Variants in SBF2 observed in about 807,000 individuals in gnomAD.
SBF2 encodes the protein SET binding factor 2.
In SBF2, 112 loss-of-function variants were observed where a neutral mutation model predicts 225.2. The observed-to-expected ratio is 0.50, with a 90% CI of 0.43 to 0.58. The LOEUF is 0.58. Among genes scored for constraint, SBF2 ranks in the 20% least tolerant of loss-of-function variants. SBF2 has a pLI of 0.00. For synonymous variants in SBF2, 763 were observed against 773.3 expected, an observed-to-expected ratio of 0.99 and a Z score of 0.22; for missense variants, 1,996 against 2,206.2, an observed-to-expected ratio of 0.90 and a Z score of 1.91.
Position 9,839,539 on chromosome 11 carries a change from A to G in SBF2, c.3414T>C (p.Phe1138=). The part of the protein sequence containing the change: ...GSSSRSRPEY[F]RITASNRMYS... ...ACATCCTGTTGGAGGCAGTAATTCT[A>G]AAATACTCGGGTCTTGAACGGGAAG... The change falls in exon 26 of 40, where the codon TTT becomes TTC. Residue 1138 remains phenylalanine, a synonymous_variant. Coordinates refer to ENST00000256190, the MANE Select transcript of SBF2 (RefSeq NM_030962.4). 6.2e-7 allele frequency: 1 copy of G among 1,614,206 alleles called. No individual in the cohort carries two copies. The highest frequency in any genetic ancestry group is 8.5e-7 in the Non-Finnish European group (1 of 1,180,034).
intron 3 of SBF2, among the ~76,000 whole-genome samples, chr11:10,034,370 CT>C (rs1371122693): frequency 6.6e-6 from 1 of 152,192 alleles, no homozygotes; most frequent in Non-Finnish European, 1.5e-5. Flanking sequence ...AGTGCTACTG[CT>C]CTTAAAACAT....
intron 2 of SBF2, among the ~76,000 whole-genome samples, chr11:10,143,063 C>T (rs1954719892): frequency 6.6e-6 from 1 of 152,152 alleles, no homozygotes; most frequent in African/African-American, 2.4e-5. Context: ...TATTCCTCTT[C>T]TTAAATTATT....
intron 33 of SBF2, among the ~76,000 whole-genome samples, chr11:9,794,096 C>T (rs192281996): frequency 1.2e-3 from 177 of 152,096 alleles, no homozygotes; most frequent in African/African-American, 3.9e-3. Flanking sequence ...GGTGGGATAT[C>T]GCTTGAGTCC....
chr11:9,851,990 G>A (rs758007628), intron 21 of SBF2, among the ~76,000 whole-genome samples: 5 of 152,144 alleles, frequency 3.3e-5, no homozygotes, highest in South Asian at 4.1e-4. Flanking sequence ...CCAGGCGCTG[G>A]TCTCAAACTC....
chr11:10,153,929 C>A (rs1955343775), intron 2 of SBF2, among the ~76,000 whole-genome samples: 1 of 152,124 alleles, frequency 6.6e-6, no homozygotes, highest in Middle Eastern at 3.4e-3. Context: ...TATCCTTTCT[C>A]CACTGAATAA....
In SBF2 at chr11:10,184,737, T is replaced by C. The variant is rs1956866551; in HGVS notation, c.141+9165A>G. 3.3e-5 allele frequency among the ~76,000 whole-genome samples: 5 copies of C among 152,330 alleles called. 1 individual carries two copies. The South Asian group carries it at 1.0e-3, about 32-fold the overall frequency. Reference sequence around the variant, plus strand: ...TTGTTTTGTTTTTTATTGTTGTTGTTGTTGCTTGAGACGGAGTCTCACTCT... The same window carrying C: ...TTGTTTTGTTTTTTATTGTTGTTGTCGTTGCTTGAGACGGAGTCTCACTCT... On this transcript the variant is annotated intron_variant, in intron 2 of 39. Coordinates refer to ENST00000256190, the MANE Select transcript of SBF2 (RefSeq NM_030962.4).
intron 2 of SBF2, among the ~76,000 whole-genome samples, chr11:10,125,424 A>G (rs1027165744): frequency 6.6e-6 from 1 of 152,100 alleles, no homozygotes; most frequent in Non-Finnish European, 1.5e-5. Context: ...ATATTTGGAA[A>G]TAGTTTTAAT....
chr11:9,787,385 A>G (rs1233244344), intron 36 of SBF2, among the ~76,000 whole-genome samples: 2 of 152,182 alleles, frequency 1.3e-5, no homozygotes, highest in Non-Finnish European at 2.9e-5. Context: ...AAAGAACCCA[A>G]TACTTTTCCT....
At chr11:9,871,327 C>T (rs1198637175) in intron 17 of SBF2, among the ~76,000 whole-genome samples, 1 of 151,486 alleles carries the variant, frequency 6.6e-6, no homozygotes. Flanking sequence ...AAAAAGTAGG[C>T]AAAGGACATG....
chr11:9,831,365 T>C (rs140060667), intron 27 of SBF2, among the ~76,000 whole-genome samples: 678 of 152,322 alleles, frequency 4.5e-3, no homozygotes, highest in Middle Eastern at 0.02. Context: ...GGAGAAATAG[T>C]AAACAGCCAA....
At chr11:10,100,980 T>C (rs954470092) in intron 2 of SBF2, among the ~76,000 whole-genome samples, 1 of 152,170 alleles carries the variant, frequency 6.6e-6, no homozygotes, top group African/African-American at 2.4e-5. Context: ...TAGAATAGTT[T>C]AGAAAGGATA....
chr11:10,175,660 A>T (rs1591138797), intron 2 of SBF2, among the ~76,000 whole-genome samples: 1 of 150,474 alleles, frequency 6.6e-6, no homozygotes, highest in East Asian at 2.0e-4. Context: ...CACCAAGCGG[A>T]CCTAACAGAC....
intron 16 of SBF2, chr11:9,956,567 C>CTTTCTTTTTTTTT (rs1554965941): frequency 8.6e-6 from 1 of 116,930 alleles, no homozygotes. Flanking sequence ...TTCCTTAACT[C>CTTTCTTTTTTTTT]TTTTTTTTTT....
chr11:10,267,837 T>A (rs555001239), intron 1 of SBF2, among the ~76,000 whole-genome samples: 1 of 152,176 alleles, frequency 6.6e-6, no homozygotes, highest in Non-Finnish European at 1.5e-5. Context: ...TTTAGTAATA[T>A]AGTAATTTAC....
intron 1 of SBF2, among the ~76,000 whole-genome samples, chr11:10,287,826 C>G (rs1307972854): frequency 6.6e-6 from 1 of 152,250 alleles, no homozygotes; most frequent in Admixed American, 6.5e-5. Flanking sequence ...ACTCAGCTCA[C>G]GCTACCAGCC....
In SBF2 at chr11:9,864,450, A is replaced by C. The variant is rs1158513362; in HGVS notation, c.1930-6054T>G. On this transcript the variant is annotated intron_variant, in intron 17 of 39. Transcript: ENST00000256190. ...GACCCAGGCTGGAGTGTAGTGGCACAAACAAGGCTCACTGCAGTCTTGACC... is the reference window on the plus strand; with the variant it reads ...GACCCAGGCTGGAGTGTAGTGGCACCAACAAGGCTCACTGCAGTCTTGACC... Among the ~76,000 whole-genome samples the C allele has an allele frequency of 2.6e-5, 4 of 152,252 alleles. No homozygotes were observed. In the East Asian group the frequency reaches 7.7e-4, roughly 29 times the overall value.
chr11:9,931,920 A>G (rs895818840), intron 16 of SBF2, among the ~76,000 whole-genome samples: 5 of 152,208 alleles, frequency 3.3e-5, no homozygotes, highest in Non-Finnish European at 5.9e-5. Flanking sequence ...AACAAACAGT[A>G]TAGAGAAAAC....
chr11:10,012,792 T>C (rs1948507647), intron 6 of SBF2, among the ~76,000 whole-genome samples: 1 of 152,186 alleles, frequency 6.6e-6, no homozygotes. Flanking sequence ...AGCTTTTTTT[T>C]TTCTTTGAGA....
chr11:9,919,252 T>TTTCTTCTTC (rs138931178), intron 16 of SBF2, among the ~76,000 whole-genome samples: 4 of 143,218 alleles, frequency 2.8e-5, no homozygotes, highest in East Asian at 4.0e-4. Context: ...TAGCCTCTCC[T>TTTCTTCTTC]TTCTTCTTCT....
Sources: gnomAD v4.1 joint callset for allele counts (sites outside exome capture counted in the v4.1 genomes callset) on GRCh38, gnomAD v4.1.1 for gene constraint, MANE v1.5 for transcripts, NCBI Gene and HGNC (gene_info 2026-07-23, HGNC 2026-07-21) for gene names.